The following RSPH14 variants were observed in gnomAD, a reference collection of about 807,000 sequenced individuals.
The protein encoded by RSPH14 is radial spoke head 14 homolog, also known as rhabdoid tumor deletion region gene 1.
A neutral mutation model predicts 26.7 loss-of-function variants in RSPH14; 20 were observed. The observed-to-expected ratio is 0.75, with a 90% CI of 0.53 to 1.09. The LOEUF is 1.09. Ranked by LOEUF, RSPH14 falls within the 50% of genes least tolerant of loss-of-function variation. The pLI, the probability that RSPH14 is intolerant of heterozygous loss-of-function variation, is 0.00. For synonymous variants in RSPH14, 177 were observed against 189.3 expected (o/e 0.93, Z 0.53); for missense variants, 449 against 457.2 (o/e 0.98, Z 0.16).
At chr22:23,105,591 G>A (rs1167568388) in intron 4 of RSPH14, among the ~76,000 whole-genome samples, 1 of 152,224 alleles carries the variant, frequency 6.6e-6, no homozygotes, top group Non-Finnish European at 1.5e-5. Flanking sequence ...TGTCGGCCTT[G>A]GGTTCCTGGG....
intron 4 of RSPH14, among the ~76,000 whole-genome samples, chr22:23,115,114 G>T (rs964261261): frequency 6.6e-6 from 1 of 152,216 alleles, no homozygotes; most frequent in Admixed American, 6.5e-5. Flanking sequence ...ACTGCATGGG[G>T]TCCTGTGGAG....
chr22:23,097,834 T>C lies in RSPH14; in HGVS notation c.422-33701A>G, dbSNP rs73384371. On this transcript the variant is annotated intron_variant, in intron 4 of 6. Coordinates refer to ENST00000216036, the MANE Select transcript of RSPH14 (RefSeq NM_014433.3). ...CCAGACCCTTGGGACAGTGCCATGG[T>C]GGGTCTGCCAGTCACACGGGCTTGC... Among the ~76,000 whole-genome samples the C allele has an allele frequency of 5.3e-3, 803 of 152,326 alleles. 9 individuals carry two copies. Among genetic ancestry groups the C allele is most frequent in the African/African-American group, 0.017 (719 of 41,572 alleles).
chr22:23,131,660 C>T (rs1016226773), intron 4 of RSPH14: 7 of 1,303,608 alleles, frequency 5.4e-6, no homozygotes, highest in African/African-American at 1.5e-5. Flanking sequence ...ACTAGACCCT[C>T]GCTTATTCCT....
the RSPH14 span, chr22:23,180,578 GCGGCGGCGGCGGCA>G: frequency 2.1e-4 from 8 of 38,586 alleles, no homozygotes; most frequent in African/African-American, 2.5e-3. Context: ...GGAGGCGGCG[GCGGCGGCGGCGGCA>G]CGGCGGCGGC....
At chr22:23,073,426 T>C (rs569902213) in intron 4 of RSPH14, among the ~76,000 whole-genome samples, 161 of 152,150 alleles carry the variant, frequency 1.1e-3, no homozygotes, top group African/African-American at 3.7e-3. Flanking sequence ...CTGTTGTGGC[T>C]CCGGGGTGGT....
upstream of RSPH14, among the ~76,000 whole-genome samples, chr22:23,147,559 CT>C (rs2070862928): frequency 6.6e-6 from 1 of 152,106 alleles, no homozygotes; most frequent in Admixed American, 6.6e-5. Flanking sequence ...TCTTGAACCC[CT>C]GGCCTCAAGC....
chr22:23,156,283 T>G, the RSPH14 span: 1 of 429,388 alleles, frequency 2.3e-6, no homozygotes, highest in Admixed American at 4.2e-5. Flanking sequence ...AGCCCCAGTT[T>G]CAGCTCATAA....
In RSPH14 at chr22:23,135,416, C is replaced by T. The variant is rs2070455265; in HGVS notation, c.303-1272G>A. Among the ~76,000 whole-genome samples, 4 of 151,250 alleles carry T rather than the reference C, an allele frequency of 2.6e-5. No individual in the cohort carries two copies. The South Asian group carries it at 6.3e-4, about 24-fold the overall frequency. On this transcript the variant is annotated intron_variant, in intron 3 of 6. Transcript: ENST00000216036. ...CTGAGGCAGGAGAATGGTGTGAACC[C>T]GGGAGGTGGAGCTTGCAGTGAGCCA...
chr22:23,143,152 G>A (rs2070628647), upstream of RSPH14, among the ~76,000 whole-genome samples: 2 of 152,138 alleles, frequency 1.3e-5, no homozygotes, highest in South Asian at 4.2e-4. Flanking sequence ...TGGGCCAGGT[G>A]CAGTGGCTCA....
intron 4 of RSPH14, among the ~76,000 whole-genome samples, chr22:23,079,343 C>T (rs2068606584): frequency 1.3e-5 from 2 of 152,196 alleles, no homozygotes; most frequent in Non-Finnish European, 2.9e-5. Flanking sequence ...AAGCGAAGTC[C>T]ACTTGGCTTT....
At chr22:23,108,158 A>G (rs1183141496) in intron 4 of RSPH14, among the ~76,000 whole-genome samples, 1 of 152,126 alleles carries the variant, frequency 6.6e-6, no homozygotes, top group Non-Finnish European at 1.5e-5. Context: ...GGCAATCCCA[A>G]CCCCTGCCCC....
intron 6 of RSPH14, 129 bp from the exon 7 acceptor site, chr22:23,059,847 A>C (rs936726603): frequency 6.1e-5 from 62 of 1,013,494 alleles, no homozygotes; most frequent in Non-Finnish European, 7.7e-5. Context: ...TTTATGCCCC[A>C]CCAACATGCC....
At chr22:23,180,476 G>A in the RSPH14 span, 2 of 168,284 alleles carry the variant, frequency 1.2e-5, no homozygotes, top group African/African-American at 2.4e-5. Flanking sequence ...CCGCGCCGCG[G>A]CCACCTCCCC....
At chr22:23,130,123 GAAAGAAAGAAAGAAAGAA>G (rs1569192747) in intron 4 of RSPH14, among the ~76,000 whole-genome samples, 3 of 111,926 alleles carry the variant, frequency 2.7e-5, no homozygotes, top group African/African-American at 1.0e-4. Flanking sequence ...AAGAAAGAAA[GAAAGAAAGAAAGAAAGAA>G]AGAAAGAAAG....
intron 4 of RSPH14, among the ~76,000 whole-genome samples, chr22:23,065,663 A>G (rs1430111918): frequency 6.6e-6 from 1 of 150,840 alleles, no homozygotes; most frequent in African/African-American, 2.4e-5. Flanking sequence ...AAACGGGCCT[A>G]CCTGGCAGGG....
At chr22:23,104,130 A>G (rs551431921) in intron 4 of RSPH14, among the ~76,000 whole-genome samples, 1 of 151,742 alleles carries the variant, frequency 6.6e-6, no homozygotes, top group East Asian at 1.9e-4. Flanking sequence ...GGGACAGTCA[A>G]CAAAGGCAGG....
intron 4 of RSPH14, among the ~76,000 whole-genome samples, chr22:23,088,907 A>G (rs538050772): frequency 3.3e-5 from 5 of 152,140 alleles, no homozygotes; most frequent in East Asian, 1.9e-4. Context: ...AGTGGCTTCT[A>G]TTGGGCCTCA....
At chr22:23,112,795 C>A (rs926523322) in intron 4 of RSPH14, among the ~76,000 whole-genome samples, 4 of 152,104 alleles carry the variant, frequency 2.6e-5, no homozygotes, top group African/African-American at 9.7e-5. Flanking sequence ...CACAGAAGAC[C>A]CTCAGTGGGG....
intron 4 of RSPH14, among the ~76,000 whole-genome samples, chr22:23,096,913 G>T (rs1036187538): frequency 6.6e-6 from 1 of 152,258 alleles, no homozygotes; most frequent in Non-Finnish European, 1.5e-5. Flanking sequence ...CATGGGCGCA[G>T]CCCGAGGGAG....
Sources: gnomAD v4.1 joint callset for allele counts (sites outside exome capture counted in the v4.1 genomes callset) on GRCh38, gnomAD v4.1.1 for gene constraint, MANE v1.5 for transcripts, NCBI Gene and HGNC (gene_info 2026-07-23, HGNC 2026-07-21) for gene names.